MAPK10: variants seen among roughly 807,000 people sequenced by gnomAD.
The protein encoded by MAPK10 is mitogen-activated protein kinase 10.
MAPK10 carries 25 observed loss-of-function variants against 59.3 expected under a neutral mutation model. The ratio of observed to expected loss-of-function variants is 0.42; its 90% CI spans 0.31 to 0.59. MAPK10 has a LOEUF of 0.59. Ranked by LOEUF, MAPK10 falls within the 20% of genes least tolerant of loss-of-function variation. The probability of loss-of-function intolerance (pLI) is 0.15; values close to 1 mark genes in which losing one functional copy is unlikely to be tolerated. For missense variants in MAPK10, 351 were observed against 568.9 expected, an observed-to-expected ratio of 0.62 and a Z score of 3.90; for synonymous variants, 190 against 200.5, an observed-to-expected ratio of 0.95 and a Z score of 0.44.
At chr4:86,212,715 A>C (rs2086186082) in intron 2 of MAPK10, among the ~76,000 whole-genome samples, 1 of 152,196 alleles carries the variant, frequency 6.6e-6, no homozygotes, top group African/African-American at 2.4e-5. Context: ...ATAATAGACC[A>C]TCAAAATATA....
chr4:86,384,880 T>C (rs1250927986), intron 1 of MAPK10, among the ~76,000 whole-genome samples: 1 of 151,894 alleles, frequency 6.6e-6, no homozygotes, highest in Non-Finnish European at 1.5e-5. Context: ...TCATCTAAAC[T>C]AGAGAGAAAA....
chr4:86,105,261 T>C (rs2056329972), intron 5 of MAPK10, among the ~76,000 whole-genome samples: 1 of 152,134 alleles, frequency 6.6e-6, no homozygotes, highest in African/African-American at 2.4e-5. Context: ...TTCTTATTAA[T>C]GCGAAATTTA....
At chr4:86,508,230 C>T (rs187737833) in intron 1 of MAPK10, among the ~76,000 whole-genome samples, 1 of 152,236 alleles carries the variant, frequency 6.6e-6, no homozygotes, top group East Asian at 1.9e-4. Context: ...AGTTAGCTCA[C>T]CTTTGATGGA....
chr4:86,239,386 C>T (rs1284284871), intron 2 of MAPK10, among the ~76,000 whole-genome samples: 2 of 152,136 alleles, frequency 1.3e-5, no homozygotes, highest in African/African-American at 4.8e-5. Flanking sequence ...AAGAGTCCCT[C>T]CTTTTCAATT....
At chr4:86,107,201 G>T in intron 5 of MAPK10, 22 bp downstream of exon 5, 3 of 1,598,316 alleles carry the variant, frequency 1.9e-6, no homozygotes, top group Non-Finnish European at 2.6e-6. Context: ...ACTGCCAGAA[G>T]TTTAAAAATA....
At chr4:86,034,579 T>G (rs2039789478) in intron 11 of MAPK10, among the ~76,000 whole-genome samples, 1 of 152,198 alleles carries the variant, frequency 6.6e-6, no homozygotes, top group African/African-American at 2.4e-5. Context: ...CATGGCAGAC[T>G]ATATAAAAAA....
At chr4:86,471,900 A>C (rs10002564) in intron 1 of MAPK10, among the ~76,000 whole-genome samples, 199 of 152,154 alleles carry the variant, frequency 1.3e-3, no homozygotes, top group Non-Finnish European at 1.9e-3. Flanking sequence ...TAACCCAAAA[A>C]TGTTGTCTTT....
chr4:86,541,946 G>GGC (rs1241699198), intron 1 of MAPK10, among the ~76,000 whole-genome samples: 27 of 68,908 alleles, frequency 3.9e-4, no homozygotes, highest in African/African-American at 1.4e-3. Context: ...TGAATACACC[G>GGC]GCACACACAC....
chr4:86,347,908 G>T (rs995944979), intron 2 of MAPK10, among the ~76,000 whole-genome samples: 2 of 152,034 alleles, frequency 1.3e-5, no homozygotes, highest in African/African-American at 4.8e-5. Flanking sequence ...ATAGTCTGGG[G>T]CTACTTATAT....
At chr4:86,195,423 C>T (rs2081059548) in intron 2 of MAPK10, among the ~76,000 whole-genome samples, 1 of 151,530 alleles carries the variant, frequency 6.6e-6, no homozygotes, top group Non-Finnish European at 1.5e-5. Flanking sequence ...GAATGCATAG[C>T]TGAGTGGTCA....
intron 1 of MAPK10, among the ~76,000 whole-genome samples, chr4:86,571,808 G>C (rs915055118): frequency 6.6e-6 from 1 of 151,934 alleles, no homozygotes; most frequent in Non-Finnish European, 1.5e-5. Flanking sequence ...AATTTATTTG[G>C]GGTCAGCTAC....
intron 9 of MAPK10, chr4:86,090,174 T>G (rs1408647553): frequency 6.6e-6 from 1 of 151,268 alleles, no homozygotes; most frequent in Non-Finnish European, 1.5e-5. Flanking sequence ...ACTCACTTGT[T>G]GTACTTAAAA....
chr4:86,408,335 A>G (rs542320622), intron 1 of MAPK10, among the ~76,000 whole-genome samples: 36 of 152,088 alleles, frequency 2.4e-4, no homozygotes, highest in Non-Finnish European at 4.4e-4. Flanking sequence ...AGTCTTTGCT[A>G]TTGTGAATAG....
intron 1 of MAPK10, among the ~76,000 whole-genome samples, chr4:86,500,956 A>T (rs1329322279): frequency 1.3e-5 from 2 of 152,046 alleles, no homozygotes; most frequent in Non-Finnish European, 2.9e-5. Context: ...TTTTTCTCTG[A>T]TAAGTATTTG....
chr4:86,020,824 A>G (rs1746216671), intron 13 of MAPK10: 1 of 153,692 alleles, frequency 6.5e-6, no homozygotes, highest in Admixed American at 6.5e-5. Flanking sequence ...GTTACAGCTC[A>G]TAAAAGCAGC....
At chr4:86,492,000 T>G (rs1308980380) in intron 1 of MAPK10, among the ~76,000 whole-genome samples, 2 of 152,220 alleles carry the variant, frequency 1.3e-5, no homozygotes, top group Admixed American at 1.3e-4. Flanking sequence ...AATGAATAGG[T>G]TACTTCATTC....
intron 1 of MAPK10, among the ~76,000 whole-genome samples, chr4:86,588,448 G>C (rs1413363675): frequency 6.6e-6 from 1 of 152,064 alleles, no homozygotes; most frequent in African/African-American, 2.4e-5. Context: ...TATATTTATA[G>C]ATATAGGTAT....
At chr4:86,304,110 T>C (rs943959600) in intron 2 of MAPK10, among the ~76,000 whole-genome samples, 1 of 152,078 alleles carries the variant, frequency 6.6e-6, no homozygotes. Flanking sequence ...AAAGTAAGTA[T>C]TTGGAAATGA....
chr4:86,032,267 T>G (rs1171139934), intron 11 of MAPK10: 1 of 152,136 alleles, frequency 6.6e-6, no homozygotes, highest in Non-Finnish European at 1.5e-5. Context: ...TCTGACCTCT[T>G]CTTCCTGATA....
Sources: allele counts gnomAD v4.1 joint callset (sites outside exome capture counted in the v4.1 genomes callset), GRCh38; gene constraint gnomAD v4.1.1; transcripts MANE v1.5; gene names NCBI Gene and HGNC (gene_info 2026-07-23, HGNC 2026-07-21).